The following MYOM1 variants were observed in gnomAD, a reference collection of about 807,000 sequenced individuals.
The protein encoded by MYOM1 is myomesin 1, also known as myomesin-1.
In MYOM1, 164 loss-of-function variants were observed where a neutral mutation model predicts 205.3. That is an observed-to-expected ratio of 0.80 (90% CI 0.70 to 0.91). The LOEUF is 0.91. MYOM1 is among the 40% of genes least tolerant of loss of function. MYOM1 has a pLI of 0.00. For missense variants in MYOM1, 2,011 were observed against 2,127.3 expected (o/e 0.95, Z 1.08); for synonymous variants, 772 against 789.4 (o/e 0.98, Z 0.37).
intron 33 of MYOM1, among the ~76,000 whole-genome samples, chr18:3,083,504 C>T (rs1323274350): frequency 7.0e-6 from 1 of 142,264 alleles, no homozygotes; most frequent in Non-Finnish European, 1.5e-5. Context: ...TCTCGGCTCA[C>T]TGCAACATCC....
chr18:3,185,563 T>A (rs969055623), intron 5 of MYOM1, among the ~76,000 whole-genome samples: 7 of 152,214 alleles, frequency 4.6e-5, no homozygotes, highest in African/African-American at 1.7e-4. Flanking sequence ...AAGTAATTGG[T>A]TTTTTAAGAA....
intron 33 of MYOM1, among the ~76,000 whole-genome samples, chr18:3,083,308 G>C (rs2079106169): frequency 6.6e-6 from 1 of 151,966 alleles, no homozygotes; most frequent in African/African-American, 2.4e-5. Context: ...TGTCAGACTT[G>C]AGAATTAAGA....
chr18:3,241,919 G>A, the MYOM1 span, among the ~76,000 whole-genome samples: 1 of 152,336 alleles, frequency 6.6e-6, no homozygotes, highest in Admixed American at 6.5e-5. Context: ...TGCCCTGCTG[G>A]ATTTTGGACT....
At chr18:3,223,141 A>G (rs2144286646), upstream of MYOM1, among the ~76,000 whole-genome samples, 1 of 152,302 alleles carries the variant, frequency 6.6e-6, no homozygotes, top group Admixed American at 6.5e-5. Flanking sequence ...TTGGCCTCCC[A>G]AAGTGCTGGG....
At chr18:3,185,560 T>C (rs2080798075) in intron 5 of MYOM1, among the ~76,000 whole-genome samples, 2 of 152,304 alleles carry the variant, frequency 1.3e-5, no homozygotes, top group South Asian at 4.1e-4. Flanking sequence ...GGGAAGTAAT[T>C]GGTTTTTTAA....
chr18:3,115,391 C>G (rs1396761501), intron 21 of MYOM1, among the ~76,000 whole-genome samples: 2 of 152,104 alleles, frequency 1.3e-5, no homozygotes, highest in African/African-American at 4.8e-5. Flanking sequence ...TACCCTAACC[C>G]TGGAGAGTGG....
intron 4 of MYOM1, among the ~76,000 whole-genome samples, chr18:3,188,494 T>C (rs1459144206): frequency 2.0e-5 from 3 of 151,158 alleles, no homozygotes; most frequent in Non-Finnish European, 2.9e-5. Flanking sequence ...CTGGGTGTGG[T>C]GGCACGTGCC....
intron 5 of MYOM1, among the ~76,000 whole-genome samples, chr18:3,182,260 T>C (rs1185017797): frequency 6.6e-6 from 1 of 151,380 alleles, no homozygotes; most frequent in African/African-American, 2.4e-5. Context: ...AAATGAATCC[T>C]GCTCTTTAAA....
At chr18:3,181,431 C>G (rs1288402200) in intron 5 of MYOM1, among the ~76,000 whole-genome samples, 2 of 152,148 alleles carry the variant, frequency 1.3e-5, no homozygotes, top group African/African-American at 2.4e-5. Flanking sequence ...TGTTGGAAAA[C>G]TGTTGTAAAT....
intron 10 of MYOM1, among the ~76,000 whole-genome samples, chr18:3,156,928 G>A (rs1338247633): frequency 6.6e-6 from 1 of 152,180 alleles, no homozygotes; most frequent in Non-Finnish European, 1.5e-5. Context: ...TTTCCTTCCA[G>A]GCTTTCAGAG....
At chr18:3,141,844 C>G (rs1183646350) in intron 14 of MYOM1, 95 bp downstream of exon 14, 1 of 1,477,244 alleles carries the variant, frequency 6.8e-7, no homozygotes, top group Non-Finnish European at 9.4e-7. Context: ...CTCCCTCCTC[C>G]TCCCTCACTC....
At chr18:3,071,248 C>G (rs1406813010) in intron 37 of MYOM1, among the ~76,000 whole-genome samples, 2 of 152,132 alleles carry the variant, frequency 1.3e-5, no homozygotes, top group African/African-American at 4.8e-5. Flanking sequence ...TGTTCATTTT[C>G]TCATAATTTT....
At chr18:3,150,248 G>T (rs1054306295) in intron 12 of MYOM1, among the ~76,000 whole-genome samples, 19 of 152,118 alleles carry the variant, frequency 1.2e-4, no homozygotes, top group African/African-American at 4.6e-4. Flanking sequence ...TTTTAGTAGA[G>T]ACGGGGTTTC....
chr18:3,215,031 ACGCCCG>A lies in MYOM1; in HGVS notation c.187_192del (p.Arg63_Ala64del). On this transcript the variant is annotated inframe_deletion, in exon 2 of 38. Coordinates refer to ENST00000356443, the MANE Select transcript of MYOM1 (RefSeq NM_003803.4). Reference sequence around the variant, plus strand: ...GCCTGCTGCTGGGAGGAGGAGGCGGACGCCCGACGGAAGGCCTCGGACTCCCGGCGG... The same window carrying A: ...GCCTGCTGCTGGGAGGAGGAGGCGGAACGGAAGGCCTCGGACTCCCGGCGG... The A allele has an allele frequency of 6.2e-7, 1 of 1,612,498 alleles. No homozygotes were observed. The highest frequency in any genetic ancestry group is 1.1e-5 in the South Asian group (1 of 90,984).
intron 5 of MYOM1, among the ~76,000 whole-genome samples, chr18:3,187,054 T>C (rs918049284): frequency 6.6e-6 from 1 of 150,700 alleles, no homozygotes; most frequent in Non-Finnish European, 1.5e-5. Flanking sequence ...GAGATGGGAG[T>C]TTTAGTTAAA....
intron 10 of MYOM1, among the ~76,000 whole-genome samples, chr18:3,157,219 G>A (rs930498198): frequency 6.6e-6 from 1 of 152,222 alleles, no homozygotes. Flanking sequence ...GAGCCTGGCA[G>A]ACAGCGGGCA....
chr18:3,187,429 G>A (rs1328245551), intron 5 of MYOM1, 51 bp downstream of exon 5: 9 of 1,582,992 alleles, frequency 5.7e-6, no homozygotes, highest in African/African-American at 5.4e-5. Flanking sequence ...CACTAGAGGC[G>A]AACTTAACTT....
chr18:3,210,001 G>A (rs9955225), intron 2 of MYOM1, among the ~76,000 whole-genome samples: 8,336 of 152,112 alleles, frequency 0.055, 537 homozygotes, highest in African/African-American at 0.16. Context: ...AACCTCACTG[G>A]GTGTTCCCCC....
chr18:3,177,721 C>T (rs566268556), intron 5 of MYOM1, among the ~76,000 whole-genome samples: 1 of 152,266 alleles, frequency 6.6e-6, no homozygotes, highest in South Asian at 2.1e-4. Context: ...CATCCACCTG[C>T]CTTGACCTCC....
Sources: gnomAD v4.1 joint callset for allele counts (sites outside exome capture counted in the v4.1 genomes callset) on GRCh38, gnomAD v4.1.1 for gene constraint, MANE v1.5 for transcripts, NCBI Gene and HGNC (gene_info 2026-07-23, HGNC 2026-07-21) for gene names.